Variants in CLVS1 observed in about 807,000 individuals in gnomAD.
CLVS1 encodes the protein clavesin-1.
CLVS1 carries 10 observed loss-of-function variants against 33.1 expected under a neutral mutation model. The observed-to-expected ratio is 0.30, with a 90% CI of 0.19 to 0.51. The LOEUF (loss-of-function observed/expected upper bound fraction) is 0.51. Ranked by LOEUF, CLVS1 falls within the 20% of genes least tolerant of loss-of-function variation. The pLI is 0.97. For missense variants in CLVS1, 343 were observed against 433.4 expected (o/e 0.79, Z 1.85); for synonymous variants, 163 against 166.1 (o/e 0.98, Z 0.14).
intron 1 of CLVS1, among the ~76,000 whole-genome samples, chr8:61,067,416 A>T (rs1396093770): frequency 6.7e-6 from 1 of 148,844 alleles, no homozygotes; most frequent in Non-Finnish European, 1.5e-5. Flanking sequence ...ATATGTGAGT[A>T]TATATACTTA....
intron 1 of CLVS1, among the ~76,000 whole-genome samples, chr8:61,062,896 T>A (rs182825075): frequency 6.6e-6 from 1 of 152,388 alleles, no homozygotes; most frequent in Non-Finnish European, 1.5e-5. Flanking sequence ...AATTACCCAA[T>A]ACTATGTTAT....
At chr8:61,232,023 G>GTTTGTT in intron 2 of CLVS1, among the ~76,000 whole-genome samples, 3 of 62,656 alleles carry the variant, frequency 4.8e-5, no homozygotes, top group East Asian at 3.5e-4. Flanking sequence ...GAAAGTTGTG[G>GTTTGTT]TTTTTTTTTT....
At chr8:61,237,011 C>T (rs1808577872) in intron 2 of CLVS1, among the ~76,000 whole-genome samples, 1 of 152,216 alleles carries the variant, frequency 6.6e-6, no homozygotes, top group Non-Finnish European at 1.5e-5. Context: ...CTCAGAAACA[C>T]TTAAATCCTG....
chr8:61,121,336 C>T (rs1484535247), intron 1 of CLVS1, among the ~76,000 whole-genome samples: 1 of 152,182 alleles, frequency 6.6e-6, no homozygotes, highest in African/African-American at 2.4e-5. Context: ...CCGTCTTCTG[C>T]GTCGCTCACG....
intron 2 of CLVS1, among the ~76,000 whole-genome samples, chr8:61,245,571 A>G (rs1415971874): frequency 6.6e-6 from 1 of 151,934 alleles, no homozygotes; most frequent in Non-Finnish European, 1.5e-5. Context: ...TCTTTTGTCC[A>G]TTTATATTGT....
Position 61,381,036 on chromosome 8 carries a change from A to C in CLVS1, c.630+4257A>C, listed in dbSNP as rs1037761465. Among the ~76,000 whole-genome samples, 3 of 152,130 alleles carry C rather than the reference A, an allele frequency of 2.0e-5. No homozygotes were observed. The East Asian group carries it at 5.8e-4, about 29-fold the overall frequency. On this transcript the variant is annotated intron_variant, in intron 3 of 5. Transcript: ENST00000325897. ...AAGTGTATTTTTCACTTTCTGGAAGAGATCCAGAAAGCTATCTATTTTTTG... is the reference window on the plus strand; with the variant it reads ...AAGTGTATTTTTCACTTTCTGGAAGCGATCCAGAAAGCTATCTATTTTTTG...
At chr8:61,357,626 C>T (rs1812792012) in intron 2 of CLVS1, among the ~76,000 whole-genome samples, 1 of 150,922 alleles carries the variant, frequency 6.6e-6, no homozygotes, top group South Asian at 2.1e-4. Flanking sequence ...ATGCCTCAGC[C>T]TCCCAAGTAG....
chr8:61,254,285 T>C (rs1179920444), intron 2 of CLVS1, among the ~76,000 whole-genome samples: 2 of 152,228 alleles, frequency 1.3e-5, no homozygotes, highest in Non-Finnish European at 2.9e-5. Context: ...CTGGAAGTTT[T>C]GTCTCAGAGG....
intron 2 of CLVS1, among the ~76,000 whole-genome samples, chr8:61,190,686 G>C (rs1182713302): frequency 1.3e-5 from 2 of 152,116 alleles, no homozygotes; most frequent in African/African-American, 4.8e-5. Context: ...AAATCATAAA[G>C]GAGATATCAC....
chr8:60,971,483 T>G, the CLVS1 span, among the ~76,000 whole-genome samples: 2 of 152,234 alleles, frequency 1.3e-5, no homozygotes, highest in Admixed American at 6.5e-5. Context: ...ATTTTAACTT[T>G]TCTCTTGCCT....
At chr8:61,241,491 T>A (rs527848797) in intron 2 of CLVS1, among the ~76,000 whole-genome samples, 3 of 152,186 alleles carry the variant, frequency 2.0e-5, no homozygotes, top group Non-Finnish European at 4.4e-5. Context: ...TCTTAACTTT[T>A]CACAGTTCAC....
chr8:61,357,762 G>A (rs537596275), intron 2 of CLVS1, among the ~76,000 whole-genome samples: 1 of 151,716 alleles, frequency 6.6e-6, no homozygotes, highest in East Asian at 1.9e-4. Context: ...CAACTCTGTT[G>A]GCCAAGCTGG....
chr8:61,389,571 C>T lies in CLVS1; in HGVS notation c.630+12792C>T, dbSNP rs75228565. Among the ~76,000 whole-genome samples, 944 of 152,068 alleles carry T rather than the reference C, an allele frequency of 6.2e-3. 18 individuals carry two copies. The East Asian group carries it at 0.079, about 13-fold the overall frequency. ...AAAAAAGACAAATAACAGCTGACAG[C>T]CAGGGAAGAAACACGAATAACATAA... On this transcript the variant is annotated intron_variant, in intron 3 of 5. Transcript: ENST00000325897.
intron 2 of CLVS1, among the ~76,000 whole-genome samples, chr8:61,330,743 A>G (rs946639871): frequency 1.3e-5 from 2 of 152,018 alleles, no homozygotes; most frequent in African/African-American, 2.4e-5. Context: ...TCTGGATCCC[A>G]TGGCATCTTC....
At chr8:61,007,863 G>A in the CLVS1 span, among the ~76,000 whole-genome samples, 1 of 152,150 alleles carries the variant, frequency 6.6e-6, no homozygotes. Context: ...CCATGCGCTC[G>A]GAACAGGTGG....
chr8:61,125,803 G>A (rs1400639190), intron 1 of CLVS1, among the ~76,000 whole-genome samples: 2 of 152,160 alleles, frequency 1.3e-5, no homozygotes, highest in Non-Finnish European at 2.9e-5. Flanking sequence ...TAATAGGACG[G>A]CATAGCTATG....
Position 61,414,153 on chromosome 8 carries a change from A to G in CLVS1, c.630+37374A>G, listed in dbSNP as rs77001040. On this transcript the variant is annotated intron_variant, in intron 3 of 5. Transcript: ENST00000325897. ...GGCTTCCTGCCCCAAAGTGGCTCACACCCTTGTAAGAAAGATAGATATATG... is the reference window on the plus strand; with the variant it reads ...GGCTTCCTGCCCCAAAGTGGCTCACGCCCTTGTAAGAAAGATAGATATATG... Among the ~76,000 whole-genome samples the G allele has an allele frequency of 3.8e-4, 58 of 152,344 alleles. No homozygotes were observed. In the East Asian group the frequency reaches 0.01, roughly 27 times the overall value.
intron 2 of CLVS1, among the ~76,000 whole-genome samples, chr8:61,258,384 C>T (rs1809130615): frequency 6.6e-6 from 1 of 152,150 alleles, no homozygotes; most frequent in Non-Finnish European, 1.5e-5. Context: ...CCAGAGAGTG[C>T]AAAGCAGTGC....
chr8:61,389,019 T>C (rs1451126250), intron 3 of CLVS1, among the ~76,000 whole-genome samples: 1 of 152,222 alleles, frequency 6.6e-6, no homozygotes, highest in Non-Finnish European at 1.5e-5. Context: ...CTTCTGCATA[T>C]GAGTGAGAAC....
Sources: gnomAD v4.1 joint callset for allele counts (sites outside exome capture counted in the v4.1 genomes callset) on GRCh38, gnomAD v4.1.1 for gene constraint, MANE v1.5 for transcripts, NCBI Gene and HGNC (gene_info 2026-07-23, HGNC 2026-07-21) for gene names.